LY86: variants seen among roughly 807,000 people sequenced by gnomAD.
LY86 encodes the protein MD-1, RP105-associated.
Under a neutral mutation model 17.3 loss-of-function variants are expected in LY86, and 20 were observed. The observed-to-expected ratio is 1.15, with a 90% CI of 0.81 to 1.68. The LOEUF is 1.68. Among genes scored for constraint, LY86 ranks in the 40% most tolerant of loss-of-function variants. LY86 has a pLI of 0.00. For missense variants in LY86, 200 were observed against 191.9 expected (o/e 1.04, Z -0.25); for synonymous variants, 74 against 70.6 (o/e 1.05, Z -0.24).
intron 1 of LY86, among the ~76,000 whole-genome samples, chr6:6,601,536 C>T (rs1013880790): frequency 1.3e-5 from 2 of 152,118 alleles, no homozygotes; most frequent in African/African-American, 4.8e-5. Context: ...TCCTGGCTAA[C>T]ACAGTGAAAC....
intron 1 of LY86, among the ~76,000 whole-genome samples, chr6:6,600,641 G>A (rs1760877714): frequency 7.1e-6 from 1 of 140,024 alleles, no homozygotes; most frequent in Non-Finnish European, 1.5e-5. Context: ...AAATATAGCA[G>A]GTCACTTGGG....
At chr6:6,627,698 G>T (rs1183545606) in intron 3 of LY86, among the ~76,000 whole-genome samples, 1 of 152,162 alleles carries the variant, frequency 6.6e-6, no homozygotes, top group Non-Finnish European at 1.5e-5. Context: ...ACACGATTGA[G>T]CATTCGTACC....
At chr6:6,626,446 C>A (rs774169340) in intron 3 of LY86, 25 bp downstream of exon 3, 5 of 1,611,824 alleles carry the variant, frequency 3.1e-6, no homozygotes, top group Non-Finnish European at 4.2e-6. Flanking sequence ...TTGCTCACTG[C>A]TGGCAGGGGC....
At position 6,623,469 on chromosome 6, in the gene LY86, A is replaced by G. The variant is rs556027895; in HGVS notation, c.137-1457A>G. Among the ~76,000 whole-genome samples the G allele has an allele frequency of 2.2e-3, 332 of 152,330 alleles. 3 individuals carry two copies. Among genetic ancestry groups the G allele is most frequent in the Non-Finnish European group, 3.4e-3 (231 of 68,028 alleles). ...CCCAGCAAGTACTCACGAAGGAGCAAGTCCCTTCTTCGACTCCAGCCTCCA... is the reference window on the plus strand; with the variant it reads ...CCCAGCAAGTACTCACGAAGGAGCAGGTCCCTTCTTCGACTCCAGCCTCCA... On this transcript the variant is annotated intron_variant, in intron 1 of 4. Transcript: ENST00000230568.
At chr6:6,612,188 C>G (rs865943806) in intron 1 of LY86, among the ~76,000 whole-genome samples, 56 of 152,292 alleles carry the variant, frequency 3.7e-4, no homozygotes, top group Non-Finnish European at 5.6e-4. Context: ...TCACTGACTT[C>G]AAGAACGAAG....
intron 3 of LY86, among the ~76,000 whole-genome samples, chr6:6,628,895 A>G (rs1761850602): frequency 6.6e-6 from 1 of 152,250 alleles, no homozygotes; most frequent in Non-Finnish European, 1.5e-5. Context: ...CTGCTTATGC[A>G]TGGCACAAAG....
intron 4 of LY86, among the ~76,000 whole-genome samples, chr6:6,650,560 C>A (rs749644731): frequency 1.3e-5 from 2 of 152,176 alleles, no homozygotes; most frequent in Non-Finnish European, 2.9e-5. Context: ...GTCTCGAACT[C>A]CTGACCTCGT....
At chr6:6,599,726 A>G (rs906031367) in intron 1 of LY86, among the ~76,000 whole-genome samples, 4 of 152,226 alleles carry the variant, frequency 2.6e-5, no homozygotes, top group Admixed American at 6.5e-5. Context: ...CAGGCAAGAT[A>G]AAGAGCCTCA....
At chr6:6,646,930 C>T (rs1481089244) in intron 3 of LY86, among the ~76,000 whole-genome samples, 2 of 152,150 alleles carry the variant, frequency 1.3e-5, no homozygotes, top group Non-Finnish European at 2.9e-5. Flanking sequence ...CAAAAAAAAG[C>T]ACTCAACACT....
intron 1 of LY86, among the ~76,000 whole-genome samples, chr6:6,603,597 C>CAA (rs1760985158): frequency 3.5e-5 from 2 of 56,544 alleles, no homozygotes; most frequent in African/African-American, 6.5e-5. Flanking sequence ...AAAACAAAAA[C>CAA]AGAAACAGAA....
intron 1 of LY86, chr6:6,591,116 G>A (rs1760512320): frequency 6.5e-6 from 1 of 153,762 alleles, no homozygotes; most frequent in Admixed American, 6.5e-5. Context: ...ATTCATCCTT[G>A]CATAAAGGTT....
chr6:6,630,303 G>A (rs1761880002), intron 3 of LY86, among the ~76,000 whole-genome samples: 1 of 152,224 alleles, frequency 6.6e-6, no homozygotes, highest in Non-Finnish European at 1.5e-5. Context: ...TCAAAGAGTT[G>A]CGTAGAATAT....
intron 1 of LY86, among the ~76,000 whole-genome samples, chr6:6,607,172 T>C (rs1761191746): frequency 6.6e-6 from 1 of 152,260 alleles, no homozygotes; most frequent in South Asian, 2.1e-4. Flanking sequence ...CTTGACCTGG[T>C]CTTTTTCAGG....
chr6:6,650,333 G>C (rs1262020997), intron 4 of LY86, among the ~76,000 whole-genome samples: 1 of 135,686 alleles, frequency 7.4e-6, no homozygotes, highest in Non-Finnish European at 1.5e-5. Flanking sequence ...CTACCCCTCA[G>C]ATAATGGTTT....
At chr6:6,634,172 A>T (rs368188077) in intron 3 of LY86, among the ~76,000 whole-genome samples, 17 of 152,238 alleles carry the variant, frequency 1.1e-4, no homozygotes, top group Admixed American at 9.8e-4. Flanking sequence ...CATTCAACAG[A>T]TACACATACC....
At chr6:6,603,645 A>G (rs940464871) in intron 1 of LY86, among the ~76,000 whole-genome samples, 1 of 147,006 alleles carries the variant, frequency 6.8e-6, no homozygotes, top group African/African-American at 2.5e-5. Context: ...ACACACACAC[A>G]CACACACACA....
chr6:6,635,142 AG>A (rs1275344784), intron 3 of LY86, among the ~76,000 whole-genome samples: 1 of 152,238 alleles, frequency 6.6e-6, no homozygotes, highest in East Asian at 1.9e-4. Flanking sequence ...CTATAACAGA[AG>A]GGGAATAAGC....
chr6:6,602,863 A>G (rs76161130), intron 1 of LY86, among the ~76,000 whole-genome samples: 2,906 of 152,304 alleles, frequency 0.019, 65 homozygotes, highest in East Asian at 0.061. Flanking sequence ...GCCCTCAAGC[A>G]AAGAGTTATA....
intron 1 of LY86, among the ~76,000 whole-genome samples, chr6:6,619,332 G>A (rs758509719): frequency 1.6e-4 from 24 of 152,194 alleles, no homozygotes; most frequent in Non-Finnish European, 1.3e-4. Context: ...TATTTGGCCC[G>A]GGACTAGCAG....
Sources: allele counts gnomAD v4.1 joint callset (sites outside exome capture counted in the v4.1 genomes callset), GRCh38; gene constraint gnomAD v4.1.1; transcripts MANE v1.5; gene names NCBI Gene and HGNC (gene_info 2026-07-23, HGNC 2026-07-21).